The following TBC1D1 variants were observed in gnomAD, a reference collection of about 807,000 sequenced individuals.
TBC1D1 encodes TBC1 (tre-2/USP6, BUB2, cdc16) domain family, member 1.
Under a neutral mutation model 125.6 loss-of-function variants are expected in TBC1D1, and 89 were observed. That is an observed-to-expected ratio of 0.71 (90% CI 0.60 to 0.85). The LOEUF (loss-of-function observed/expected upper bound fraction) is 0.85. Among genes scored for constraint, TBC1D1 ranks in the 40% least tolerant of loss-of-function variants. The pLI is 0.00. For missense variants in TBC1D1, 1,377 were observed against 1,469.2 expected, an observed-to-expected ratio of 0.94 and a Z score of 1.03; for synonymous variants, 565 against 564.1, an observed-to-expected ratio of 1.00 and a Z score of -0.02.
chr4:38,074,745 A>G (rs1355926481), intron 12 of TBC1D1, among the ~76,000 whole-genome samples: 1 of 148,318 alleles, frequency 6.7e-6, no homozygotes, highest in Non-Finnish European at 1.5e-5. Flanking sequence ...GTCAGTAGAG[A>G]CTTTCTTAGT....
chr4:37,927,624 G>A (rs1336413739), intron 2 of TBC1D1, among the ~76,000 whole-genome samples: 2 of 152,222 alleles, frequency 1.3e-5, no homozygotes, highest in African/African-American at 4.8e-5. Flanking sequence ...GTTAGAAACA[G>A]TCATTGTGCC....
At chr4:37,992,740 G>A (rs1356884760) in intron 2 of TBC1D1, among the ~76,000 whole-genome samples, 1 of 151,022 alleles carries the variant, frequency 6.6e-6, no homozygotes, top group Non-Finnish European at 1.5e-5. Context: ...TGATCTGCCC[G>A]CCTCGGCCTC....
intron 2 of TBC1D1, among the ~76,000 whole-genome samples, chr4:37,934,765 C>T (rs945443096): frequency 1.3e-5 from 2 of 152,094 alleles, no homozygotes; most frequent in Non-Finnish European, 2.9e-5. Context: ...TGTCATTGAC[C>T]CACTTTTCTT....
chr4:38,014,442 G>T lies in TBC1D1; in HGVS notation c.418-67G>T. On this transcript the variant is annotated intron_variant, in intron 2 of 19. Coordinates refer to ENST00000261439, the MANE Select transcript of TBC1D1 (RefSeq NM_015173.4). The surrounding 1 kb of genome is among the most constrained non-coding windows in gnomAD (Gnocchi z 5.1). The stretch of plus-strand genomic sequence containing the variant: ...CAGCGGGGCGTCCCGAAAGAGCATG[G>T]TGCATTCATTCCGTGAGTGCCAGCC... 2 of 1,490,452 alleles carry T rather than the reference G, an allele frequency of 1.3e-6. No homozygotes were observed. Among genetic ancestry groups the T allele is most frequent in the Non-Finnish European group, 1.8e-6 (2 of 1,081,182 alleles). 92.3% of individuals were successfully genotyped at this position (1,490,452 alleles called of 1,614,324 possible). A position where few individuals can be genotyped will look rare whatever the true frequency, so the allele number is the denominator to read the frequency against.
chr4:37,972,905 A>G (rs1337327108), intron 2 of TBC1D1, among the ~76,000 whole-genome samples: 2 of 41,894 alleles, frequency 4.8e-5, no homozygotes, highest in Non-Finnish European at 1.1e-4. Context: ...TCCATCTCCA[A>G]AAAAAAAAAA....
chr4:38,065,606 C>T (rs1402190842), intron 12 of TBC1D1, among the ~76,000 whole-genome samples: 2 of 148,346 alleles, frequency 1.3e-5, no homozygotes, highest in Non-Finnish European at 3.0e-5. Flanking sequence ...GTGTTTTTCA[C>T]TTTTACACAA....
intron 2 of TBC1D1, among the ~76,000 whole-genome samples, chr4:37,927,106 G>A (rs537074616): frequency 2.6e-5 from 4 of 151,660 alleles, no homozygotes; most frequent in Admixed American, 1.3e-4. Context: ...GGGACAGAGC[G>A]AAACTCTGTC....
intron 14 of TBC1D1, among the ~76,000 whole-genome samples, chr4:38,097,835 A>G (rs1307879976): frequency 2.0e-5 from 3 of 152,180 alleles, no homozygotes; most frequent in Non-Finnish European, 4.4e-5. Flanking sequence ...GTTTTTTACT[A>G]TAGTTTTTTA....
intron 2 of TBC1D1, among the ~76,000 whole-genome samples, chr4:37,915,281 T>C (rs1409028945): frequency 6.6e-6 from 1 of 152,200 alleles, no homozygotes; most frequent in African/African-American, 2.4e-5. Flanking sequence ...ACCAATAGGA[T>C]ACACATCATA....
chr4:38,075,988 C>CTTGTTGATTA (rs552503074), intron 12 of TBC1D1, among the ~76,000 whole-genome samples: 55 of 152,252 alleles, frequency 3.6e-4, no homozygotes, highest in African/African-American at 1.3e-3. Flanking sequence ...TGGCACCTTG[C>CTTGTTGATTA]TTGTTGATTA....
At chr4:37,900,405 ATCT>A (rs1406510411) in intron 1 of TBC1D1, among the ~76,000 whole-genome samples, 1,573 of 89,056 alleles carry the variant, frequency 0.018, 23 homozygotes, top group African/African-American at 0.068. Flanking sequence ...CAAAGGAAAT[ATCT>A]TTTTTTTTTT....
rs748525498 is a variant in TBC1D1, at chr4:37,964,545, A to T, written c.418-49964A>T. On this transcript the variant is annotated intron_variant, in intron 2 of 19. Coordinates refer to ENST00000261439, the MANE Select transcript of TBC1D1 (RefSeq NM_015173.4). ...GACCAGTTTTTCACAGAAAGGACCA[A>T]TGTGCCTGCCTTCCCGAGATCCGGC... 2.0e-5 allele frequency among the ~76,000 whole-genome samples: 3 copies of T among 152,170 alleles called. No homozygotes were observed. In the East Asian group the frequency reaches 5.8e-4, roughly 29 times the overall value.
chr4:37,937,414 C>G (rs182105817), intron 2 of TBC1D1, among the ~76,000 whole-genome samples: 2 of 152,296 alleles, frequency 1.3e-5, no homozygotes, highest in African/African-American at 4.8e-5. Flanking sequence ...AAAATTCAAT[C>G]AATTCAGAAG....
At chr4:37,988,819 A>G (rs1735972697) in intron 2 of TBC1D1, among the ~76,000 whole-genome samples, 1 of 151,644 alleles carries the variant, frequency 6.6e-6, no homozygotes, top group South Asian at 2.1e-4. Context: ...AACCTGAAAA[A>G]CTCGTTCAGG....
Position 38,051,886 on chromosome 4 carries a change from G to T in TBC1D1, c.1910+1988G>T. 6.5e-7 allele frequency: 1 copy of T among 1,546,968 alleles called. No homozygotes were observed. The highest frequency in any genetic ancestry group is 8.7e-7 in the Non-Finnish European group (1 of 1,144,672). On this transcript the variant is annotated intron_variant, in intron 11 of 19. Transcript: ENST00000261439. ...CTGCTAACCCCCCCGTGCTTTCTCT[G>T]ATTGCTGTTTAGTGTGGATCCTTCA...
At chr4:38,110,317 T>G in intron 15 of TBC1D1, 1 of 982,672 alleles carries the variant, frequency 1.0e-6, no homozygotes, top group Non-Finnish European at 1.2e-6. Context: ...ATTCTTGACC[T>G]GCTGCTTATT....
intron 1 of TBC1D1, among the ~76,000 whole-genome samples, chr4:37,899,989 C>T (rs749428585): frequency 2.0e-5 from 3 of 152,108 alleles, no homozygotes; most frequent in South Asian, 2.1e-4. Context: ...GGCGCGGTGG[C>T]AGGCGCCTGT....
chr4:37,930,644 G>A (rs1418510352), intron 2 of TBC1D1, among the ~76,000 whole-genome samples: 1 of 152,090 alleles, frequency 6.6e-6, no homozygotes, highest in African/African-American at 2.4e-5. Context: ...TTAAAGTCAG[G>A]ATAAACTAAT....
At chr4:38,116,021 T>C in intron 16 of TBC1D1, 67 bp downstream of exon 18, 2 of 1,560,626 alleles carry the variant, frequency 1.3e-6, no homozygotes, top group Non-Finnish European at 1.7e-6. Context: ...CCTCTCCAGA[T>C]GTGCCTCAGG....
Sources: allele counts gnomAD v4.1 joint callset (sites outside exome capture counted in the v4.1 genomes callset), GRCh38; gene constraint gnomAD v4.1.1; non-coding constraint Gnocchi (gnomAD v3.1); transcripts MANE v1.5; gene names NCBI Gene and HGNC (gene_info 2026-07-23, HGNC 2026-07-21).